KDM2B: variants seen among roughly 807,000 people sequenced by gnomAD.
KDM2B encodes the protein lysine demethylase 2B.
A neutral mutation model predicts 150.0 loss-of-function variants in KDM2B; 26 were observed. That is an observed-to-expected ratio of 0.17 (90% CI 0.13 to 0.24). KDM2B has a LOEUF of 0.24. Ranked by LOEUF, KDM2B falls within the 10% of genes least tolerant of loss-of-function variation. The pLI, the probability that KDM2B is intolerant of heterozygous loss-of-function variation, is 1.00. For synonymous variants in KDM2B, 734 were observed against 729.5 expected (o/e 1.01, Z -0.10); for missense variants, 1,265 against 1,816.9 (o/e 0.70, Z 5.52).
At chr12:121,427,203 G>A (rs1193535717), downstream of KDM2B, among the ~76,000 whole-genome samples, 4 of 151,642 alleles carry the variant, frequency 2.6e-5, no homozygotes, top group African/African-American at 9.7e-5. Context: ...GTAGTTGCTT[G>A]TAGCATTTAG....
intron 22 of KDM2B, among the ~76,000 whole-genome samples, chr12:121,436,565 C>T (rs551684709): frequency 1.4e-3 from 208 of 151,234 alleles, no homozygotes; most frequent in African/African-American, 4.8e-3. Flanking sequence ...GGAAAACTCC[C>T]AGAAAATACA....
chr12:121,488,798 GTTTT>G (rs1566329139), intron 12 of KDM2B, among the ~76,000 whole-genome samples: 1 of 149,582 alleles, frequency 6.7e-6, no homozygotes, highest in African/African-American at 2.5e-5. Context: ...ATTTTTTTTG[GTTTT>G]TTGTTTGTTT....
intron 2 of KDM2B, among the ~76,000 whole-genome samples, chr12:121,577,576 G>T (rs1008059349): frequency 1.3e-5 from 2 of 152,160 alleles, no homozygotes; most frequent in African/African-American, 4.8e-5. Context: ...GCAAAGCTGG[G>T]AGTCTCTTCT....
intron 22 of KDM2B, among the ~76,000 whole-genome samples, chr12:121,438,558 C>A (rs1360144327): frequency 2.0e-5 from 3 of 152,152 alleles, no homozygotes; most frequent in Non-Finnish European, 4.4e-5. Context: ...GCTGGAGAAG[C>A]CTCAATTCAC....
At chr12:121,540,543 G>C (rs1888524924) in intron 6 of KDM2B, among the ~76,000 whole-genome samples, 1 of 151,916 alleles carries the variant, frequency 6.6e-6, no homozygotes, top group South Asian at 2.1e-4. Context: ...GAGGTCAGGA[G>C]TTCAAGACCA....
intron 12 of KDM2B, among the ~76,000 whole-genome samples, chr12:121,456,018 C>T (rs1878177289): frequency 6.6e-6 from 1 of 152,254 alleles, no homozygotes; most frequent in Non-Finnish European, 1.5e-5. Flanking sequence ...ATTCCCTGAG[C>T]ACCCCCATCT....
At chr12:121,472,874 A>C (rs1362482363) in intron 12 of KDM2B, among the ~76,000 whole-genome samples, 4 of 152,218 alleles carry the variant, frequency 2.6e-5, no homozygotes, top group African/African-American at 9.6e-5. Context: ...AGCTAAATAT[A>C]TGTAAAATGC....
At chr12:121,580,069 AC>A (rs1236040173) in intron 1 of KDM2B, 1 of 1,602,466 alleles carries the variant, frequency 6.2e-7, no homozygotes, top group Non-Finnish European at 8.5e-7. Context: ...AGGAGAGTTC[AC>A]CAATTAATTG....
At chr12:121,529,987 G>A (rs1887505297) in intron 8 of KDM2B, among the ~76,000 whole-genome samples, 1 of 150,870 alleles carries the variant, frequency 6.6e-6, no homozygotes, top group Non-Finnish European at 1.5e-5. Context: ...CCAGCACTTT[G>A]GGAGGCCAAG....
At chr12:121,579,079 T>C (rs1281878938) in intron 1 of KDM2B, 133 bp from the exon 2 acceptor site, 18 of 961,154 alleles carry the variant, frequency 1.9e-5, no homozygotes, top group Non-Finnish European at 2.8e-5. Flanking sequence ...CCAAGCAACT[T>C]TGCGCAATTG....
chr12:121,424,605 G>A (rs1872416956), downstream of KDM2B, among the ~76,000 whole-genome samples: 1 of 152,038 alleles, frequency 6.6e-6, no homozygotes, highest in African/African-American at 2.4e-5. Flanking sequence ...CAGCTACTCA[G>A]GAGGCTGAGG....
chr12:121,445,374 C>T lies in KDM2B; in HGVS notation c.2004G>A (p.Ala668=), dbSNP rs370147517. Residue 668 remains alanine (A), a synonymous_variant, in exon 14 of 23, where the codon GCG becomes GCA. Coordinates refer to ENST00000377071, the MANE Select transcript of KDM2B (RefSeq NM_032590.5). ...HTAVCLVCGE[A]GKEDTVEEEE... ...CCTCTTCCACCGTGTCTTCCTTCCC[C>T]GCCTCGCCACACACAAGGCACACGG... is the stretch of plus-strand genomic sequence containing the variant. 1.7e-5 allele frequency: 27 copies of T among 1,610,114 alleles called. No homozygotes were observed. The East Asian group carries it at 2.5e-4, about 15-fold the overall frequency.
At chr12:121,412,230 C>CTT in the KDM2B span, among the ~76,000 whole-genome samples, 42 of 49,646 alleles carry the variant, frequency 8.5e-4, 3 homozygotes, top group South Asian at 3.8e-3. Flanking sequence ...CCCAACTAAT[C>CTT]TTTTTTTTTT....
rs782586319 is a variant in KDM2B at position 121,439,951 on chromosome 12, G to A, written c.3735C>T (p.Leu1245=). ...RHMPLLSKLH[L]SYCNHVTDQS... is the part of the protein sequence containing the mutation. ...GGTCGGTGACGTGGTTACAGTAACT[G>A]AGGTGGAGCTTGGAGAGCAGGGGCA... Residue 1245 remains leucine (L), a synonymous_variant, in exon 22 of 23, where the codon CTC becomes CTT. Transcript: ENST00000377071. 5 of 1,614,100 alleles carry A rather than the reference G, an allele frequency of 3.1e-6. No homozygotes were observed. Among genetic ancestry groups the A allele is most frequent in the South Asian group, 1.1e-5 (1 of 91,092 alleles).
At position 121,509,425 on chromosome 12, in the gene KDM2B, C is replaced by G; in HGVS notation, c.1647+142G>C. ...ACATAGGCTTTTGTGGACTGAGACC[C>G]CAGAAGCCCCCTCGCAGCGCCCACC... On this transcript the variant is annotated intron_variant, in intron 11 of 22. Transcript: ENST00000377071. The G allele has an allele frequency of 4.2e-6, 6 of 1,428,978 alleles. No individual in the cohort carries two copies. The South Asian group carries it at 4.4e-5, about 10-fold the overall frequency. 88.5% of individuals were successfully genotyped at this position (1,428,978 alleles called of 1,614,324 possible).
At position 121,580,786 on chromosome 12, in the gene KDM2B, CTG is replaced by C; in HGVS notation, c.124_125del (p.Gln42AlafsTer4). On this transcript the variant is annotated frameshift_variant and splice_region_variant, in exon 1 of 23. Coordinates refer to ENST00000377071, the MANE Select transcript of KDM2B (RefSeq NM_032590.5). LOFTEE classifies it high-confidence loss of function. ...TKCFEFESAT[Q>X]RPIDRQRYDE... ...TCATCCACCCCTCCCCCAACATTAC[CTG>C]TGTGGCCGACTCAAATTCAAAGCAT... 1 of 1,613,272 alleles carries C rather than the reference CTG, an allele frequency of 6.2e-7. No homozygotes were observed. The highest frequency in any genetic ancestry group is 8.5e-7 in the Non-Finnish European group (1 of 1,179,678).
intron 11 of KDM2B, among the ~76,000 whole-genome samples, chr12:121,501,608 TTTG>T (rs1217631007): frequency 5.9e-5 from 9 of 152,062 alleles, no homozygotes; most frequent in African/African-American, 1.9e-4. Flanking sequence ...CTTGGTATTT[TTTG>T]TTGTTGTTTT....
At chr12:121,417,646 T>C in the KDM2B span, 1 of 1,614,186 alleles carries the variant, frequency 6.2e-7, no homozygotes, top group Non-Finnish European at 8.5e-7. This position sits in a 1 kb window ranked among gnomAD's most constrained non-coding sequence, Gnocchi z 5.0. Flanking sequence ...GTGAAGGACC[T>C]GCGGCAGTAT....
In KDM2B at chr12:121,468,095, C is replaced by A. The variant is rs1880325540; in HGVS notation, c.1735-14751G>T. 6.6e-6 allele frequency: 1 copy of A among 152,278 alleles called. No homozygotes were observed. The highest frequency in any genetic ancestry group is 6.5e-5 in the Admixed American group (1 of 15,270). The allele number at this position is 152,278 out of a possible 1,614,324, so 9.4% of individuals were successfully genotyped here. A position where few individuals can be genotyped will look rare whatever the true frequency, so the allele number is the denominator to read the frequency against. ...CCCTGACTCTACCCTGAGGTGGGCG[C>A]CCCCTCCCTTGGACAGGTACCGCCT... On this transcript the variant is annotated intron_variant, in intron 12 of 22. Transcript: ENST00000377071. The surrounding 1 kb of genome is among the most constrained non-coding windows in gnomAD (Gnocchi z 4.0).
Sources: gnomAD v4.1 joint callset for allele counts (sites outside exome capture counted in the v4.1 genomes callset) on GRCh38, gnomAD v4.1.1 for gene constraint, Gnocchi (gnomAD v3.1) non-coding constraint, MANE v1.5 for transcripts, NCBI Gene and HGNC (gene_info 2026-07-23, HGNC 2026-07-21) for gene names.